Variants in CUL3 observed in about 807,000 individuals in gnomAD.
CUL3 encodes cullin 3.
CUL3 carries 19 observed loss-of-function variants against 89.1 expected under a neutral mutation model. The observed-to-expected ratio is 0.21, with a 90% CI of 0.15 to 0.31. The LOEUF is 0.31. Among genes scored for constraint, CUL3 ranks in the 10% least tolerant of loss-of-function variants. The pLI, the probability that CUL3 is intolerant of heterozygous loss-of-function variation, is 1.00. For missense variants in CUL3, 469 were observed against 942.3 expected (o/e 0.50, Z 6.58); for synonymous variants, 351 against 308.4 (o/e 1.14, Z -1.45).
chr2:224,568,852 T>C (rs984406348), intron 1 of CUL3, among the ~76,000 whole-genome samples: 5 of 152,182 alleles, frequency 3.3e-5, no homozygotes, highest in South Asian at 2.1e-4. Flanking sequence ...TACATACACA[T>C]GATCGGGTCT....
intron 3 of CUL3, among the ~76,000 whole-genome samples, chr2:224,517,152 T>C (rs1010046387): frequency 6.6e-6 from 1 of 152,228 alleles, no homozygotes; most frequent in African/African-American, 2.4e-5. Context: ...TTCTAAGTTC[T>C]ACATATAAGT....
intron 2 of CUL3, among the ~76,000 whole-genome samples, chr2:224,557,052 G>A (rs560830354): frequency 5.3e-4 from 81 of 151,678 alleles, no homozygotes; most frequent in African/African-American, 1.8e-3. Flanking sequence ...CTTAAAGCAA[G>A]GCATTGTAAT....
chr2:224,521,800 A>C (rs919429834), intron 3 of CUL3, among the ~76,000 whole-genome samples: 1 of 152,056 alleles, frequency 6.6e-6, no homozygotes, highest in Non-Finnish European at 1.5e-5. Context: ...ATTTAGGAAA[A>C]AAAAAAAAGG....
chr2:224,486,980 A>C (rs984552664), intron 13 of CUL3, among the ~76,000 whole-genome samples: 4 of 152,238 alleles, frequency 2.6e-5, no homozygotes, highest in African/African-American at 9.6e-5. Flanking sequence ...CTTAAAGAGA[A>C]GAATGTTCAA....
rs1691699704 is a variant in CUL3, at chr2:224,485,846, C to A, written c.1843-3768G>T. ...CCTCCCAGCAGGGGTCAACAGACAC[C>A]TCATACAGGAGAGCTCCGGCTGGCA... On this transcript the variant is annotated intron_variant, in intron 13 of 15. Transcript: ENST00000264414. The surrounding 1 kb of genome is among the most constrained non-coding windows in gnomAD (Gnocchi z 4.1). Among the ~76,000 whole-genome samples the A allele has an allele frequency of 6.6e-6, 1 of 152,214 alleles. No homozygotes were observed. The highest frequency in any genetic ancestry group is 1.5e-5 in the Non-Finnish European group (1 of 68,040).
At chr2:224,584,478 G>A (rs1318677292) in intron 1 of CUL3, among the ~76,000 whole-genome samples, 2 of 152,098 alleles carry the variant, frequency 1.3e-5, no homozygotes, top group South Asian at 2.1e-4. Context: ...GAGGGGGGCA[G>A]AGAGAGAGGG....
intron 1 of CUL3, among the ~76,000 whole-genome samples, chr2:224,584,743 C>A (rs1288832947): frequency 2.0e-5 from 3 of 146,386 alleles, no homozygotes; most frequent in African/African-American, 7.4e-5. Context: ...GGGCTCCCGG[C>A]GCGGGGAACG....
intron 3 of CUL3, among the ~76,000 whole-genome samples, chr2:224,525,612 A>T (rs1052926940): frequency 1.3e-5 from 2 of 152,250 alleles, no homozygotes; most frequent in African/African-American, 4.8e-5. Context: ...AAAAATAATG[A>T]TAAGATAATA....
chr2:224,545,897 C>A (rs913153531), intron 2 of CUL3, among the ~76,000 whole-genome samples: 2 of 152,100 alleles, frequency 1.3e-5, no homozygotes, highest in African/African-American at 4.8e-5. Flanking sequence ...GAAGCAAATA[C>A]TATTTTAAAA....
At chr2:224,483,371 A>C (rs1247482939) in intron 13 of CUL3, among the ~76,000 whole-genome samples, 1 of 152,202 alleles carries the variant, frequency 6.6e-6, no homozygotes, top group East Asian at 1.9e-4. Context: ...GGGAATTCTT[A>C]GCTGCCTAAG....
intron 5 of CUL3, among the ~76,000 whole-genome samples, chr2:224,512,542 ATTG>A (rs1320772263): frequency 3.3e-5 from 5 of 152,154 alleles, no homozygotes; most frequent in African/African-American, 9.7e-5. Flanking sequence ...GTACTCAATT[ATTG>A]TTGTTATCAT....
At chr2:224,484,492 T>C (rs1444497773) in intron 13 of CUL3, among the ~76,000 whole-genome samples, 1 of 152,158 alleles carries the variant, frequency 6.6e-6, no homozygotes, top group Non-Finnish European at 1.5e-5. Flanking sequence ...TAGATTATGG[T>C]TTTCAATTTT....
chr2:224,500,547 G>A lies in CUL3; in HGVS notation c.1486-60C>T, dbSNP rs962982389. On this transcript the variant is annotated intron_variant, in intron 10 of 15. Coordinates refer to ENST00000264414, the MANE Select transcript of CUL3 (RefSeq NM_003590.5). ...TTAACTAGGATTTGCTTTCTGTTCT[G>A]TTTAGACATTGTGTTAGATTTACCA... The A allele has an allele frequency of 8.6e-6, 13 of 1,516,266 alleles. No homozygotes were observed. In the South Asian group the frequency reaches 1.5e-4, roughly 18 times the overall value. 93.9% of individuals were successfully genotyped at this position (1,516,266 alleles called of 1,614,324 possible).
chr2:224,568,862 T>A lies in CUL3; in HGVS notation c.67-11006A>T, dbSNP rs1396841274. Among the ~76,000 whole-genome samples the A allele has an allele frequency of 4.6e-5, 7 of 152,330 alleles. No individual in the cohort carries two copies. In the South Asian group the frequency reaches 8.3e-4, roughly 18 times the overall value. On this transcript the variant is annotated intron_variant, in intron 1 of 15. Transcript: ENST00000264414. ...ATTAATACATACACATGATCGGGTC[T>A]TGGCATCAAATGCACGTCAACATCC...
chr2:224,523,707 A>G (rs1193728397), intron 3 of CUL3, among the ~76,000 whole-genome samples: 9 of 152,252 alleles, frequency 5.9e-5, no homozygotes, highest in Admixed American at 2.6e-4. Context: ...AATGTGGTCT[A>G]CACATAGAAT....
At chr2:224,527,745 G>C (rs780618399) in intron 3 of CUL3, among the ~76,000 whole-genome samples, 1 of 151,946 alleles carries the variant, frequency 6.6e-6, no homozygotes, top group Non-Finnish European at 1.5e-5. Flanking sequence ...ATTCTCACTA[G>C]ATCTCTAGGT....
At chr2:224,565,587 C>T (rs920987816) in intron 1 of CUL3, among the ~76,000 whole-genome samples, 3 of 152,306 alleles carry the variant, frequency 2.0e-5, no homozygotes, top group East Asian at 3.9e-4. Flanking sequence ...CAGTCCATGT[C>T]GTAAAAGTCA....
At chr2:224,551,704 G>A (rs1287293352) in intron 2 of CUL3, among the ~76,000 whole-genome samples, 1 of 152,032 alleles carries the variant, frequency 6.6e-6, no homozygotes, top group Non-Finnish European at 1.5e-5. Context: ...TTTACATTTG[G>A]TCTGTTGCTG....
intron 9 of CUL3, 141 bp from the exon 10 acceptor site, chr2:224,503,213 T>A: frequency 1.5e-6 from 1 of 655,058 alleles, no homozygotes; most frequent in South Asian, 1.9e-5. Context: ...TCTGTGCCTG[T>A]GGTTATCAAA....
Sources: allele counts gnomAD v4.1 joint callset (sites outside exome capture counted in the v4.1 genomes callset), GRCh38; gene constraint gnomAD v4.1.1; non-coding constraint Gnocchi (gnomAD v3.1); transcripts MANE v1.5; gene names NCBI Gene and HGNC (gene_info 2026-07-23, HGNC 2026-07-21).